Variants in ADAM15 observed in about 807,000 individuals in gnomAD.
ADAM15 encodes ADAM metallopeptidase domain 15.
Under a neutral mutation model 113.8 loss-of-function variants are expected in ADAM15, and 77 were observed. The ratio of observed to expected loss-of-function variants is 0.68; its 90% confidence interval spans 0.56 to 0.82. The LOEUF (loss-of-function observed/expected upper bound fraction) is 0.82, where lower values mean the gene tolerates loss of function less well. Ranked by LOEUF, ADAM15 falls within the 40% of genes least tolerant of loss-of-function variation. The pLI, the probability that ADAM15 is intolerant of heterozygous loss-of-function variation, is 0.00. For missense variants in ADAM15, 963 were observed against 1,120.1 expected (o/e 0.86, Z 2.00); for synonymous variants, 388 against 454.1 (o/e 0.85, Z 1.85).
chr1:155,051,348 C>T lies in ADAM15; in HGVS notation c.-39C>T, dbSNP rs1199822496. ...CCGGCCGCTCCTCCGCGCGCTGTTC[C>T]GCACTTGCTGCCCTCGCCCGGCCCG... On this transcript the variant is annotated 5_prime_UTR_variant, in exon 1 of 23. Transcript: ENST00000356955. The T allele has an allele frequency of 4.1e-6, 6 of 1,463,086 alleles. No homozygotes were observed. The African/African-American group carries it at 7.5e-5, about 18-fold the overall frequency. The allele number at this position is 1,463,086 out of a possible 1,614,324, so 90.6% of individuals were successfully genotyped here. A position where few individuals can be genotyped will look rare whatever the true frequency, so the allele number is the denominator to read the frequency against.
chr1:155,059,718 A>T (rs1333738592), intron 16 of ADAM15, among the ~76,000 whole-genome samples, 184 bp from the exon 17 acceptor site: 1 of 152,214 alleles, frequency 6.6e-6, no homozygotes, highest in Non-Finnish European at 1.5e-5. Context: ...ACACAGAAGG[A>T]GCTCAGTAAG....
rs777851570 is a variant in ADAM15, at chr1:155,057,185, C to A, written c.1149-3C>A. 1 of 1,609,384 alleles carries A rather than the reference C, an allele frequency of 6.2e-7. No individual in the cohort carries two copies. Among genetic ancestry groups the A allele is most frequent in the Non-Finnish European group, 8.5e-7 (1 of 1,176,246 alleles). ...CCCCAACCTTCCTTGCCACCCTCCCCAGCTTCCTACCAGGCCTGAACTTCA... is the reference window on the plus strand; with the variant it reads ...CCCCAACCTTCCTTGCCACCCTCCCAAGCTTCCTACCAGGCCTGAACTTCA... On this transcript the variant is annotated splice_polypyrimidine_tract_variant and splice_region_variant and intron_variant, in intron 11 of 22. Transcript: ENST00000356955. The surrounding 1 kb of genome is among the most constrained non-coding windows in gnomAD (Gnocchi z 5.0).
rs142710758 is a variant in ADAM15, at chr1:155,060,902, C to T, written c.2277+70C>T. 26 of 1,427,346 alleles carry T rather than the reference C, an allele frequency of 1.8e-5. 1 individual carries two copies. Among genetic ancestry groups the T allele is most frequent in the African/African-American group, 8.4e-5 (6 of 71,568 alleles). The allele number at this position is 1,427,346 out of a possible 1,614,324, so 88.4% of individuals were successfully genotyped here. On this transcript the variant is annotated intron_variant, in intron 19 of 22. Transcript: ENST00000356955. ...CATCCAGCTTGGGCCCTGGGGGGTG[C>T]GCATTAAAGGCTCCAGACTCAGAGA...
chr1:155,057,971 G>A lies in ADAM15; in HGVS notation c.1537G>A (p.Ala513Thr), dbSNP rs1408301347. The A allele has an allele frequency of 5.0e-6, 8 of 1,612,704 alleles. No homozygotes were observed. The highest frequency in any genetic ancestry group is 1.1e-5 in the South Asian group (1 of 91,088). ...CAGCCTAGGGGATGGCGAGCCCTGC[G>A]CTGGCGGGCAAGCTGTGTGCATGCA... Reference protein sequence around the residue: ...DVSLGDGEPCAGGQAVCMHGR... With the variant: ...DVSLGDGEPCTGGQAVCMHGR... The change falls in exon 14 of 23, where the codon GCT becomes ACT. Residue 513 changes from alanine to threonine, a missense_variant. Ala to Thr is a moderately conservative substitution (Grantham distance 58, BLOSUM62 0). Coordinates refer to ENST00000356955, the MANE Select transcript of ADAM15 (RefSeq NM_207197.3). The surrounding 1 kb of genome is among the most constrained non-coding windows in gnomAD (Gnocchi z 5.0).
chr1:155,059,136 C>T (rs569555368), intron 16 of ADAM15, among the ~76,000 whole-genome samples: 6 of 152,216 alleles, frequency 3.9e-5, no homozygotes, highest in South Asian at 4.1e-4. Flanking sequence ...GGCGTGATCT[C>T]GGCTCACTGC....
intron 19 of ADAM15, 25 bp downstream of exon 19, chr1:155,060,857 G>A (rs2102423380): frequency 2.5e-6 from 4 of 1,601,758 alleles, no homozygotes; most frequent in Non-Finnish European, 2.6e-6. Flanking sequence ...CCAGAGGAAG[G>A]GGACTCCACC....
At position 155,062,712 on chromosome 1, in the gene ADAM15, T is replaced by A. The variant is rs375398699; in HGVS notation, c.*210T>A. On this transcript the variant is annotated 3_prime_UTR_variant, in exon 23 of 23. Coordinates refer to ENST00000356955, the MANE Select transcript of ADAM15 (RefSeq NM_207197.3). This position sits in a 1 kb window ranked among gnomAD's most constrained non-coding sequence, Gnocchi z 7.0. ...GGGAGGGGCTGGGGGTTGGACGGGA[T>A]TGAGGAAGGTCCGCACAGCCTGTCT... The A allele has an allele frequency of 7.8e-4, 499 of 642,096 alleles. 3 individuals are homozygous for A. Among genetic ancestry groups the A allele is most frequent in the African/African-American group, 7.7e-3 (419 of 54,552 alleles). 39.8% of individuals were successfully genotyped at this position (642,096 alleles called of 1,614,324 possible). A position where few individuals can be genotyped will look rare whatever the true frequency, so the allele number is the denominator to read the frequency against.
At position 155,061,885 on chromosome 1, in the gene ADAM15, T is replaced by G; in HGVS notation, c.2353-19T>G. The G allele has an allele frequency of 6.6e-7, 1 of 1,508,404 alleles. No homozygotes were observed. Among genetic ancestry groups the G allele is most frequent in the Non-Finnish European group, 8.9e-7 (1 of 1,125,844 alleles). 93.4% of individuals were successfully genotyped at this position (1,508,404 alleles called of 1,614,324 possible). ...CCCCTGGTTATGCTCTCACAGCCACTGCCCCTCTCTCTGTTCAGGCTGAGC... is the reference window on the plus strand; with the variant it reads ...CCCCTGGTTATGCTCTCACAGCCACGGCCCCTCTCTCTGTTCAGGCTGAGC... On this transcript the variant is annotated intron_variant, in intron 20 of 22. Coordinates refer to ENST00000356955, the MANE Select transcript of ADAM15 (RefSeq NM_207197.3).
chr1:155,058,066 A>G lies in ADAM15; in HGVS notation c.1632A>G (p.Pro544=), dbSNP rs1295327527. The G allele has an allele frequency of 6.2e-7, 1 of 1,614,100 alleles. No homozygotes were observed. Among genetic ancestry groups the G allele is most frequent in the Non-Finnish European group, 8.5e-7 (1 of 1,179,980 alleles). ...GACCTGGAGCCCAGCCCGCTGCGCCACTTTGCCTCCAGACAGCTAATACTC... is the reference window on the plus strand; with the variant it reads ...GACCTGGAGCCCAGCCCGCTGCGCCGCTTTGCCTCCAGACAGCTAATACTC... ...LWGPGAQPAA[P]LCLQTANTRG... is the part of the protein sequence containing the mutation. The change falls in exon 14 of 23, where the codon CCA becomes CCG. Residue 544 remains proline (P), a synonymous_variant. Transcript: ENST00000356955. This position sits in a 1 kb window ranked among gnomAD's most constrained non-coding sequence, Gnocchi z 4.3.
chr1:155,056,288 C>A lies in ADAM15; in HGVS notation c.914+39C>A. 6.2e-7 allele frequency: 1 copy of A among 1,612,590 alleles called. No individual in the cohort carries two copies. The highest frequency in any genetic ancestry group is 2.2e-5 in the East Asian group (1 of 44,874). ...ACTCAGCCAGAGAGGCCAGTCCTGTCCTGGCCAAATTCACACCCCTTCAGC... is the reference window on the plus strand; with the variant it reads ...ACTCAGCCAGAGAGGCCAGTCCTGTACTGGCCAAATTCACACCCCTTCAGC... On this transcript the variant is annotated intron_variant, in intron 9 of 22. Coordinates refer to ENST00000356955, the MANE Select transcript of ADAM15 (RefSeq NM_207197.3). The surrounding 1 kb of genome is among the most constrained non-coding windows in gnomAD (Gnocchi z 4.0).
Position 155,062,210 on chromosome 1 carries a change from C to T in ADAM15, c.2425-35C>T, listed in dbSNP as rs993225350. Reference sequence around the variant, plus strand: ...TGGGGGTGGGCAACATGACACCCCCCCACCTAAGCCGGCCTCCTGCCTTCT... The same window carrying T: ...TGGGGGTGGGCAACATGACACCCCCTCACCTAAGCCGGCCTCCTGCCTTCT... On this transcript the variant is annotated intron_variant, in intron 21 of 22. Transcript: ENST00000356955. The surrounding 1 kb of genome is among the most constrained non-coding windows in gnomAD (Gnocchi z 7.0). 5 of 1,446,388 alleles carry T rather than the reference C, an allele frequency of 3.5e-6. No individual in the cohort carries two copies. The highest frequency in any genetic ancestry group is 2.9e-5 in the African/African-American group (2 of 69,512). 89.6% of individuals were successfully genotyped at this position (1,446,388 alleles called of 1,614,324 possible).
chr1:155,052,157 A>C, intron 1 of ADAM15: 2 of 230,592 alleles, frequency 8.7e-6, no homozygotes, highest in Non-Finnish European at 1.7e-5. Context: ...TCGAGGAGGA[A>C]GCAGAGGCTG....
intron 17 of ADAM15, 71 bp from the exon 18 acceptor site, chr1:155,060,134 C>G: frequency 6.3e-7 from 1 of 1,594,700 alleles, no homozygotes; most frequent in Non-Finnish European, 8.6e-7. Context: ...ACTTCACTCC[C>G]TGCCCCCTGC....
chr1:155,053,362 A>G, intron 2 of ADAM15, 55 bp from the exon 3 acceptor site: 1 of 1,533,614 alleles, frequency 6.5e-7, no homozygotes. Flanking sequence ...CTGGTTAGAG[A>G]GGCTGGGAGT....
chr1:155,053,762 A>G (rs1334501957), intron 3 of ADAM15, 148 bp from the exon 4 acceptor site: 4 of 887,152 alleles, frequency 4.5e-6, no homozygotes, highest in East Asian at 2.6e-5. Context: ...CCCAACCAGT[A>G]TACTTTGCTG....
Position 155,058,651 on chromosome 1 carries a change from T to A in ADAM15, c.1918-59T>A. 1 of 1,580,556 alleles carries A rather than the reference T, an allele frequency of 6.3e-7. No homozygotes were observed. Among genetic ancestry groups the A allele is most frequent in the Non-Finnish European group, 8.6e-7 (1 of 1,164,284 alleles). ...GGGTATGGCCTCAACCTTATTGGCC[T>A]CCCAGTCCCATTAAAGCTTTGTGGG... On this transcript the variant is annotated intron_variant, in intron 15 of 22. Transcript: ENST00000356955. The surrounding 1 kb of genome is among the most constrained non-coding windows in gnomAD (Gnocchi z 4.3).
rs751075136 is a variant in ADAM15, at chr1:155,057,976, C to T, written c.1542C>T (p.Gly514=). Residue 514 remains glycine (G), a synonymous_variant, in exon 14 of 23, where the codon GGC becomes GGT. Transcript: ENST00000356955. The surrounding 1 kb of genome is among the most constrained non-coding windows in gnomAD (Gnocchi z 5.0). ...TAGGGGATGGCGAGCCCTGCGCTGG[C>T]GGGCAAGCTGTGTGCATGCACGGGC... The part of the protein sequence containing the change: ...VSLGDGEPCA[G]GQAVCMHGRC... 196 of 1,612,824 alleles carry T rather than the reference C, an allele frequency of 1.2e-4. 1 individual carries two copies. The Admixed American group carries it at 2.4e-3, about 20-fold the overall frequency.
In ADAM15 at chr1:155,060,822, G is replaced by A. The variant is rs751075186; in HGVS notation, c.2267G>A (p.Arg756Gln). 3.1e-6 allele frequency: 5 copies of A among 1,611,320 alleles called. No homozygotes were observed. The highest frequency in any genetic ancestry group is 1.7e-5 in the Admixed American group (1 of 59,988). ...PGPPQRALLA[R>Q]GTKQASALSF... ...CCTCCGCAGAGGGCCCTGCTGGCAC[G>A]AGGCACTAAGGTGAGTCCTGGATGC... The change falls in exon 19 of 23, where the codon CGA becomes CAA. Residue 756 changes from arginine (R) to glutamine (Q), a missense_variant. Transcript: ENST00000356955.
chr1:155,061,324 G>C, intron 19 of ADAM15, 91 bp from the exon 20 acceptor site: 1 of 880,936 alleles, frequency 1.1e-6, no homozygotes, highest in Non-Finnish European at 1.8e-6. Context: ...GCCCCTGCTG[G>C]CCCCCCCTGG....
Sources: allele counts gnomAD v4.1 joint callset (sites outside exome capture counted in the v4.1 genomes callset), GRCh38; gene constraint gnomAD v4.1.1; non-coding constraint Gnocchi (gnomAD v3.1); transcripts MANE v1.5; gene names NCBI Gene and HGNC (gene_info 2026-07-23, HGNC 2026-07-21).